Variants in MFAP5 observed in about 807,000 individuals in gnomAD.
MFAP5 encodes the protein microfibril associated protein 5, also known as microfibrillar-associated protein 5.
Under a neutral mutation model 30.1 loss-of-function variants are expected in MFAP5, and 19 were observed. The observed-to-expected ratio is 0.63, with a 90% confidence interval of 0.44 to 0.93. MFAP5 has a LOEUF of 0.93. Among genes scored for constraint, MFAP5 ranks in the 40% least tolerant of loss-of-function variants. The pLI is 0.00. For missense variants in MFAP5, 210 were observed against 221.3 expected, an observed-to-expected ratio of 0.95 and a Z score of 0.32; for synonymous variants, 92 against 72.9, an observed-to-expected ratio of 1.26 and a Z score of -1.33.
chr12:8,659,031 G>A (rs913875616), intron 3 of MFAP5, among the ~76,000 whole-genome samples: 1 of 147,260 alleles, frequency 6.8e-6, no homozygotes, highest in Non-Finnish European at 1.5e-5. Context: ...GTCTCAGGCT[G>A]GCAGCAGTGG....
chr12:8,647,326 G>A lies in MFAP5; in HGVS notation c.*765C>T, dbSNP rs1039012033. The A allele has an allele frequency of 1.1e-4, 16 of 152,150 alleles. No homozygotes were observed. Among genetic ancestry groups the A allele is most frequent in the African/African-American group, 3.4e-4 (14 of 41,432 alleles). 9.4% of individuals were successfully genotyped at this position (152,150 alleles called of 1,614,324 possible). On this transcript the variant is annotated 3_prime_UTR_variant, in exon 10 of 10. Transcript: ENST00000359478. Reference sequence around the variant, plus strand: ...GTTCATCCCGGTACTACCCATAAACGAATCAGTAAATGAGACTTAGTTTCC... The same window carrying A: ...GTTCATCCCGGTACTACCCATAAACAAATCAGTAAATGAGACTTAGTTTCC...
In MFAP5 at chr12:8,660,915, G is replaced by T. The variant is rs371748121; in HGVS notation, c.59-17C>A. 5.6e-6 allele frequency: 9 copies of T among 1,606,808 alleles called. No individual in the cohort carries two copies. In the Admixed American group the frequency reaches 6.7e-5, roughly 12 times the overall value. ...GTATCCAGTCTATAGCAAAGGAAGA[G>T]AAAAGAGATGTGAGTGACTGCAGCT... is the stretch of plus-strand genomic sequence containing the variant. On this transcript the variant is annotated splice_polypyrimidine_tract_variant and intron_variant, in intron 2 of 9. Coordinates refer to ENST00000359478, the MANE Select transcript of MFAP5 (RefSeq NM_003480.4).
rs1941734686 is a variant in MFAP5, at chr12:8,648,160, G to C, written c.453C>G (p.Leu151=). 2 of 1,613,870 alleles carry C rather than the reference G, an allele frequency of 1.2e-6. No individual in the cohort carries two copies. The highest frequency in any genetic ancestry group is 3.3e-5 in the Admixed American group (2 of 59,994). ...RQMAGLPPRR[L]RRSNYFRLPP... ...GAAGTCGGAAGTAATTGGAGCGACGGAGTCTCCTAGGGGGCAGACCAGCCA... is the reference window on the plus strand; with the variant it reads ...GAAGTCGGAAGTAATTGGAGCGACGCAGTCTCCTAGGGGGCAGACCAGCCA... Residue 151 remains leucine (L), a synonymous_variant, in exon 10 of 10, where the codon CTC becomes CTG. Transcript: ENST00000359478.
intron 6 of MFAP5, among the ~76,000 whole-genome samples, chr12:8,652,737 T>C (rs1271103729): frequency 8.5e-5 from 13 of 152,344 alleles, no homozygotes; most frequent in African/African-American, 2.2e-4. Flanking sequence ...ACTCCAGACC[T>C]ATAAATCCAA....
chr12:8,650,970 C>A (rs946772132), intron 7 of MFAP5, among the ~76,000 whole-genome samples: 7 of 152,048 alleles, frequency 4.6e-5, no homozygotes, highest in Non-Finnish European at 2.9e-5. Context: ...AGTTCGAGAC[C>A]AGCCTGGCCA....
chr12:8,647,654 G>T lies in MFAP5; in HGVS notation c.*437C>A, dbSNP rs1401484363. 1 of 152,278 alleles carries T rather than the reference G, an allele frequency of 6.6e-6. No individual in the cohort carries two copies. The highest frequency in any genetic ancestry group is 1.5e-5 in the Non-Finnish European group (1 of 68,120). The allele number at this position is 152,278 out of a possible 1,614,324, so 9.4% of individuals were successfully genotyped here. ...GGAACACGTGAATGATGGGGAGTTGGTCTAGGAAAATATTGTGAGGAAAAT... is the reference window on the plus strand; with the variant it reads ...GGAACACGTGAATGATGGGGAGTTGTTCTAGGAAAATATTGTGAGGAAAAT... On this transcript the variant is annotated 3_prime_UTR_variant, in exon 10 of 10. Coordinates refer to ENST00000359478, the MANE Select transcript of MFAP5 (RefSeq NM_003480.4).
At chr12:8,656,662 ATATATATTTT>A (rs1419176762) in intron 3 of MFAP5, among the ~76,000 whole-genome samples, 1 of 134,770 alleles carries the variant, frequency 7.4e-6, no homozygotes, top group Admixed American at 7.4e-5. Context: ...ATATATATAT[ATATATATTTT>A]TTTTTTTTGA....
chr12:8,648,268 G>T, intron 9 of MFAP5, 65 bp from the exon 10 acceptor site: 2 of 1,355,402 alleles, frequency 1.5e-6, no homozygotes, highest in Non-Finnish European at 2.1e-6. Context: ...TTGTTTTAAG[G>T]GATAGAGAAG....
At chr12:8,652,394 A>C (rs1388978404) in intron 6 of MFAP5, among the ~76,000 whole-genome samples, 1 of 152,082 alleles carries the variant, frequency 6.6e-6, no homozygotes, top group Non-Finnish European at 1.5e-5. Flanking sequence ...GCAGTGAGCC[A>C]AGATCGTACC....
Position 8,649,573 on chromosome 12 carries a change from A to G in MFAP5, c.337T>C (p.Leu113=). Reference sequence around the variant, plus strand: ...TTGTTGACGATGTACATACGTCGTAAACTGCAGACGTCCCAGTGTCATAGG... The same window carrying G: ...TTGTTGACGATGTACATACGTCGTAGACTGCAGACGTCCCAGTGTCATAGG... ...QCIHQLCFTS[L]RRMYIVNKEI... The change falls in exon 9 of 10, where the codon TTA becomes CTA. Residue 113 remains leucine, a splice_region_variant and synonymous_variant. Coordinates refer to ENST00000359478, the MANE Select transcript of MFAP5 (RefSeq NM_003480.4). The G allele has an allele frequency of 6.2e-7, 1 of 1,613,876 alleles. No individual in the cohort carries two copies. Among genetic ancestry groups the G allele is most frequent in the African/African-American group, 1.3e-5 (1 of 75,042 alleles).
At chr12:8,661,305 A>G (rs1047347447) in intron 2 of MFAP5, among the ~76,000 whole-genome samples, 2 of 152,132 alleles carry the variant, frequency 1.3e-5, no homozygotes, top group Non-Finnish European at 2.9e-5. Context: ...CTCAATCTGT[A>G]TCGGAAGAAG....
chr12:8,654,732 G>A lies in MFAP5; in HGVS notation c.173-251C>T, dbSNP rs756900097. On this transcript the variant is annotated intron_variant, in intron 5 of 9. Coordinates refer to ENST00000359478, the MANE Select transcript of MFAP5 (RefSeq NM_003480.4). ...AGGCTGAGGCAGGTGGATCACTTGA[G>A]GTCAGGAGTTCAAGACCAGCCTGGC... 2.0e-5 allele frequency among the ~76,000 whole-genome samples: 3 copies of A among 151,936 alleles called. No individual in the cohort carries two copies. The South Asian group carries it at 6.3e-4, about 32-fold the overall frequency.
rs1268100031 is a variant in MFAP5 at position 8,656,591 on chromosome 12, T to TAC, written c.95-763_95-762dup. Among the ~76,000 whole-genome samples, 772 of 130,848 alleles carry TAC rather than the reference T, an allele frequency of 5.9e-3. 17 individuals carry two copies. The highest frequency in any genetic ancestry group is 0.052 in the East Asian group (244 of 4,670). The allele number at this position is 130,848 out of a possible 152,430, so 85.8% of individuals were successfully genotyped here. A position where few individuals can be genotyped will look rare whatever the true frequency, so the allele number is the denominator to read the frequency against. On this transcript the variant is annotated intron_variant, in intron 3 of 9. Transcript: ENST00000359478. ...CCTGGCTAATATATATATATATATATACACACACACACACACACATATATA... is the reference window on the plus strand; with the variant it reads ...CCTGGCTAATATATATATATATATATACACACACACACACACACACATATATA...
chr12:8,650,731 A>G, intron 7 of MFAP5, 142 bp from the exon 8 acceptor site: 1 of 709,680 alleles, frequency 1.4e-6, no homozygotes, highest in Non-Finnish European at 2.3e-6. Context: ...ATTGGGCTAC[A>G]TCCTTTCCGT....
chr12:8,649,192 A>G (rs746633674), intron 9 of MFAP5, among the ~76,000 whole-genome samples: 1 of 152,176 alleles, frequency 6.6e-6, no homozygotes, highest in Non-Finnish European at 1.5e-5. Flanking sequence ...AATTTTCCCT[A>G]GAACCCCAGT....
At chr12:8,648,306 T>C in intron 9 of MFAP5, 103 bp from the exon 10 acceptor site, 1 of 1,051,792 alleles carries the variant, frequency 9.5e-7, no homozygotes, top group East Asian at 2.7e-5. Flanking sequence ...AGTGAAAAGG[T>C]TGGAGAGAAA....
chr12:8,659,616 CTAGATTCAGATT>C (rs1402294754), intron 3 of MFAP5, among the ~76,000 whole-genome samples: 1 of 151,998 alleles, frequency 6.6e-6, no homozygotes, highest in Admixed American at 6.6e-5. Flanking sequence ...CCCTTTTTTC[CTAGATTCAGATT>C]TAGATTCAGA....
chr12:8,657,449 C>T (rs1039916565), intron 3 of MFAP5, among the ~76,000 whole-genome samples: 2 of 151,130 alleles, frequency 1.3e-5, no homozygotes, highest in African/African-American at 4.8e-5. Flanking sequence ...ATAGTAATAA[C>T]AATAAAATAA....
At chr12:8,656,842 A>AT (rs1217867902) in intron 3 of MFAP5, among the ~76,000 whole-genome samples, 2 of 151,680 alleles carry the variant, frequency 1.3e-5, no homozygotes, top group African/African-American at 4.9e-5. Context: ...TAATTTCTGT[A>AT]TTTTTAGTAG....
Sources: gnomAD v4.1 joint callset for allele counts (sites outside exome capture counted in the v4.1 genomes callset) on GRCh38, gnomAD v4.1.1 for gene constraint, MANE v1.5 for transcripts, NCBI Gene and HGNC (gene_info 2026-07-23, HGNC 2026-07-21) for gene names.